Variants in EYA2 observed in about 807,000 individuals in gnomAD.
The protein encoded by EYA2 is protein phosphatase EYA2.
Under a neutral mutation model 69.2 loss-of-function variants are expected in EYA2, and 31 were observed. The ratio of observed to expected loss-of-function variants is 0.45; its 90% CI spans 0.34 to 0.60. The LOEUF (loss-of-function observed/expected upper bound fraction) is 0.60, where lower values mean the gene tolerates loss of function less well. Among genes scored for constraint, EYA2 ranks in the 20% least tolerant of loss-of-function variants. The probability of loss-of-function intolerance (pLI) is 0.02; values close to 1 mark genes in which losing one functional copy is unlikely to be tolerated. For synonymous variants in EYA2, 257 were observed against 279.4 expected (o/e 0.92, Z 0.80); for missense variants, 622 against 701.2 (o/e 0.89, Z 1.28).
chr20:47,037,719 C>T (rs1415819681), intron 5 of EYA2, among the ~76,000 whole-genome samples: 1 of 152,192 alleles, frequency 6.6e-6, no homozygotes, highest in Non-Finnish European at 1.5e-5. Context: ...CTCTCTGACT[C>T]TTTCTGCTGC....
intron 8 of EYA2, among the ~76,000 whole-genome samples, chr20:47,091,892 A>T (rs80180170): frequency 6.9e-4 from 105 of 152,350 alleles, no homozygotes; most frequent in Admixed American, 2.8e-3. Flanking sequence ...AACATTTTAG[A>T]GTGCAGTGTC....
intron 1 of EYA2, among the ~76,000 whole-genome samples, chr20:46,980,966 G>C (rs950911733): frequency 1.3e-5 from 2 of 152,120 alleles, no homozygotes; most frequent in African/African-American, 4.8e-5. Flanking sequence ...TAATATTCTA[G>C]TGTATATGCA....
intron 1 of EYA2, among the ~76,000 whole-genome samples, chr20:46,970,507 C>T (rs991624941): frequency 6.6e-6 from 1 of 152,064 alleles, no homozygotes; most frequent in African/African-American, 2.4e-5. Context: ...AAAGAATCAC[C>T]CAGCCCAAAA....
intron 1 of EYA2, among the ~76,000 whole-genome samples, chr20:46,945,113 C>G (rs1478305107): frequency 7.9e-6 from 1 of 125,954 alleles, no homozygotes; most frequent in Non-Finnish European, 1.9e-5. Flanking sequence ...GAGACCTTGT[C>G]TGGAAAAAAA....
At position 46,913,470 on chromosome 20, in the gene EYA2, C is replaced by T. The variant is rs1259678595; in HGVS notation, c.-11+18483C>T. 2.0e-5 allele frequency among the ~76,000 whole-genome samples: 3 copies of T among 152,120 alleles called. No individual in the cohort carries two copies. In the East Asian group the frequency reaches 5.8e-4, roughly 29 times the overall value. Reference sequence around the variant, plus strand: ...GTGGGAGTCCCTGGAGGAATGGGATCTGAGCAGAGGAAGGACATGATCTGC... The same window carrying T: ...GTGGGAGTCCCTGGAGGAATGGGATTTGAGCAGAGGAAGGACATGATCTGC... On this transcript the variant is annotated intron_variant, in intron 1 of 15. Coordinates refer to ENST00000327619, the MANE Select transcript of EYA2 (RefSeq NM_005244.5).
intron 15 of EYA2, 39 bp from the exon 16 acceptor site, chr20:47,188,014 G>T: frequency 1.3e-6 from 2 of 1,551,166 alleles, no homozygotes; most frequent in South Asian, 2.4e-5. Context: ...GGGGGCAGGG[G>T]CGGGGCCATA....
At chr20:47,178,818 TGGG>T (rs1295553408) in intron 12 of EYA2, among the ~76,000 whole-genome samples, 1,724 of 16,756 alleles carry the variant, frequency 0.1, 48 homozygotes, top group East Asian at 0.39. Flanking sequence ...GGTGGATGGG[TGGG>T]TGGGTGGATG....
intron 14 of EYA2, among the ~76,000 whole-genome samples, 185 bp downstream of exon 14, chr20:47,181,121 A>G (rs2034529827): frequency 6.6e-6 from 1 of 152,184 alleles, no homozygotes; most frequent in Admixed American, 6.5e-5. Context: ...TTCTAAAGAA[A>G]TTGGTTAGGA....
At chr20:47,031,314 GGT>G (rs1984400480) in intron 5 of EYA2, among the ~76,000 whole-genome samples, 1 of 152,238 alleles carries the variant, frequency 6.6e-6, no homozygotes, top group Non-Finnish European at 1.5e-5. Context: ...TGAGTTGGCC[GGT>G]GCTCAGGCAC....
intron 4 of EYA2, among the ~76,000 whole-genome samples, chr20:47,006,472 C>T (rs1486702953): frequency 6.6e-6 from 1 of 152,206 alleles, no homozygotes; most frequent in Non-Finnish European, 1.5e-5. Context: ...CCTGACCTCT[C>T]CAGGCCTCAG....
chr20:46,963,389 G>C (rs972780995), intron 1 of EYA2, among the ~76,000 whole-genome samples: 1 of 152,210 alleles, frequency 6.6e-6, no homozygotes, highest in Non-Finnish European at 1.5e-5. Context: ...CTGAGTAGCT[G>C]CTGTGTGCCA....
chr20:46,973,826 A>C (rs1234013477), intron 1 of EYA2, among the ~76,000 whole-genome samples: 1 of 152,158 alleles, frequency 6.6e-6, no homozygotes, highest in Non-Finnish European at 1.5e-5. Flanking sequence ...ATCGTATGAA[A>C]TTGCATAAAA....
chr20:46,912,361 C>T (rs1301533361), intron 1 of EYA2, among the ~76,000 whole-genome samples: 1 of 152,182 alleles, frequency 6.6e-6, no homozygotes, highest in Non-Finnish European at 1.5e-5. Flanking sequence ...TGGCCTTCCC[C>T]TAGTGTTACA....
chr20:47,118,373 A>T (rs1314904370), intron 9 of EYA2, among the ~76,000 whole-genome samples: 3 of 151,726 alleles, frequency 2.0e-5, no homozygotes, highest in Non-Finnish European at 4.4e-5. Context: ...GAGTGACCTC[A>T]CTAGTCACTC....
rs780226575 is a variant in EYA2 at position 47,179,859 on chromosome 20, C to T, written c.1260C>T (p.Leu420=). Residue 420 remains leucine, a synonymous_variant, in exon 13 of 16, where the codon CTC becomes CTT. Coordinates refer to ENST00000327619, the MANE Select transcript of EYA2 (RefSeq NM_005244.5). ...WLQLRAELEA[L]TDLWLTHSLK... ...AGCTCCGAGCTGAGCTGGAAGCTCT[C>T]ACAGACCTCTGGCTGACCCACTCCC... 2 of 1,614,000 alleles carry T rather than the reference C, an allele frequency of 1.2e-6. No individual in the cohort carries two copies. The highest frequency in any genetic ancestry group is 1.7e-6 in the Non-Finnish European group (2 of 1,180,014).
chr20:46,947,129 T>C (rs1470033466), intron 1 of EYA2, among the ~76,000 whole-genome samples: 1 of 152,208 alleles, frequency 6.6e-6, no homozygotes, highest in Non-Finnish European at 1.5e-5. Flanking sequence ...TGCTGACCTC[T>C]ACTCTAAAGA....
chr20:47,126,907 A>C (rs2033205454), intron 9 of EYA2, among the ~76,000 whole-genome samples: 1 of 152,242 alleles, frequency 6.6e-6, no homozygotes, highest in Admixed American at 6.5e-5. Context: ...TATCTGGCTC[A>C]AAATGCCAAC....
At chr20:47,105,351 G>T (rs539713415) in intron 9 of EYA2, among the ~76,000 whole-genome samples, 18 of 152,170 alleles carry the variant, frequency 1.2e-4, no homozygotes, top group Non-Finnish European at 2.5e-4. Context: ...GTGGCTGGGC[G>T]TGGTGGCCCA....
chr20:47,022,260 A>G (rs1327648744), intron 5 of EYA2, among the ~76,000 whole-genome samples: 1 of 152,098 alleles, frequency 6.6e-6, no homozygotes, highest in Non-Finnish European at 1.5e-5. Context: ...CGTTCTTTGA[A>G]TTTCTATTGT....
Sources: gnomAD v4.1 joint callset for allele counts (sites outside exome capture counted in the v4.1 genomes callset) on GRCh38, gnomAD v4.1.1 for gene constraint, MANE v1.5 for transcripts, NCBI Gene and HGNC (gene_info 2026-07-23, HGNC 2026-07-21) for gene names.